BAIAP2L1: variants seen among roughly 807,000 people sequenced by gnomAD.
The protein encoded by BAIAP2L1 is BAR/IMD domain-containing adapter protein 2-like 1.
BAIAP2L1 carries 35 observed loss-of-function variants against 66.3 expected under a neutral mutation model. That is an observed-to-expected ratio of 0.53 (90% CI 0.40 to 0.70). The LOEUF (loss-of-function observed/expected upper bound fraction) is 0.70, where lower values mean the gene tolerates loss of function less well. Among genes scored for constraint, BAIAP2L1 ranks in the 30% least tolerant of loss-of-function variants. BAIAP2L1 has a pLI of 0.00. For missense variants in BAIAP2L1, 622 were observed against 656.9 expected (o/e 0.95, Z 0.58); for synonymous variants, 269 against 248.7 (o/e 1.08, Z -0.77).
intron 8 of BAIAP2L1, 71 bp from the exon 9 acceptor site, chr7:98,310,663 GT>G (rs1278404391): frequency 0.022 from 19,997 of 899,656 alleles, 2 homozygotes; most frequent in South Asian, 0.024. Flanking sequence ...TCCCAAGGCT[GT>G]TTTTTTTTTT....
chr7:98,336,863 C>T (rs1265128804), intron 3 of BAIAP2L1, among the ~76,000 whole-genome samples: 2 of 152,126 alleles, frequency 1.3e-5, no homozygotes, highest in East Asian at 3.9e-4. Context: ...ATTTCACTAT[C>T]CATGGAATCA....
intron 1 of BAIAP2L1, among the ~76,000 whole-genome samples, chr7:98,365,508 T>C (rs1235416081): frequency 1.3e-5 from 2 of 152,232 alleles, no homozygotes; most frequent in African/African-American, 2.4e-5. Context: ...TTTCACTCCG[T>C]TGCCCAGGAT....
chr7:98,347,501 C>T (rs543193887), intron 3 of BAIAP2L1, among the ~76,000 whole-genome samples: 39 of 152,104 alleles, frequency 2.6e-4, no homozygotes, highest in African/African-American at 8.0e-4. Context: ...AAAGGCCAGG[C>T]GCAGTGGCTC....
intron 1 of BAIAP2L1, among the ~76,000 whole-genome samples, chr7:98,394,883 A>G (rs1322824411): frequency 6.6e-6 from 1 of 152,182 alleles, no homozygotes; most frequent in African/African-American, 2.4e-5. Context: ...AAGCCGAGGC[A>G]GGCGGATCAC....
intron 11 of BAIAP2L1, among the ~76,000 whole-genome samples, chr7:98,305,213 A>G (rs1441642075): frequency 6.6e-6 from 1 of 151,536 alleles, no homozygotes; most frequent in Non-Finnish European, 1.5e-5. Flanking sequence ...AAAAGACATG[A>G]CAAAAGGAGA....
chr7:98,320,225 C>G lies in BAIAP2L1; in HGVS notation c.276+12G>C, dbSNP rs1275661713. 6.2e-7 allele frequency: 1 copy of G among 1,603,214 alleles called. No individual in the cohort carries two copies. Among genetic ancestry groups the G allele is most frequent in the African/African-American group, 1.3e-5 (1 of 74,658 alleles). On this transcript the variant is annotated intron_variant, in intron 4 of 13. Transcript: ENST00000005260. ...TGAGTGTATTTTGTAAATAGAAACA[C>G]AGATCACGTACATTTTCATCAAGAC...
chr7:98,315,225 G>A (rs1801029664), intron 7 of BAIAP2L1, among the ~76,000 whole-genome samples: 1 of 152,088 alleles, frequency 6.6e-6, no homozygotes, highest in Non-Finnish European at 1.5e-5. Flanking sequence ...AGGCTGAAGG[G>A]ATCCTCCCAC....
chr7:98,329,761 C>T (rs1470877810), intron 3 of BAIAP2L1, among the ~76,000 whole-genome samples: 1 of 152,038 alleles, frequency 6.6e-6, no homozygotes, highest in Non-Finnish European at 1.5e-5. Context: ...CCCAGGAACT[C>T]TGGCCTATCA....
At chr7:98,297,812 C>T (rs540910444) in intron 12 of BAIAP2L1, among the ~76,000 whole-genome samples, 3 of 152,320 alleles carry the variant, frequency 2.0e-5, no homozygotes, top group Non-Finnish European at 2.9e-5. Flanking sequence ...GAGGGGCTCA[C>T]GCCACGTGAG....
At chr7:98,396,649 G>A (rs1266950985) in intron 1 of BAIAP2L1, among the ~76,000 whole-genome samples, 1 of 152,072 alleles carries the variant, frequency 6.6e-6, no homozygotes, top group African/African-American at 2.4e-5. Context: ...GCAAAAATTT[G>A]CCAGGCGTGG....
chr7:98,293,189 G>C lies in BAIAP2L1; in HGVS notation c.*332C>G, dbSNP rs1270274498. The stretch of plus-strand genomic sequence containing the variant: ...GCAGAAAGCCAGTCCTGAAAGCATA[G>C]ACTATCCCTTATTCTGGCTGTTATT... On this transcript the variant is annotated 3_prime_UTR_variant, in exon 14 of 14. Transcript: ENST00000005260. The C allele has an allele frequency of 3.4e-6, 1 of 292,876 alleles. No individual in the cohort carries two copies. Among genetic ancestry groups the C allele is most frequent in the Non-Finnish European group, 6.2e-6 (1 of 161,766 alleles). 18.1% of individuals were successfully genotyped at this position (292,876 alleles called of 1,614,324 possible).
intron 6 of BAIAP2L1, among the ~76,000 whole-genome samples, chr7:98,316,990 G>C (rs1438090097): frequency 6.7e-6 from 1 of 149,424 alleles, no homozygotes; most frequent in Non-Finnish European, 1.5e-5. Context: ...CAGCCTCCGA[G>C]TAGCTGTGAC....
intron 3 of BAIAP2L1, among the ~76,000 whole-genome samples, chr7:98,345,263 A>G (rs1330836950): frequency 6.6e-6 from 1 of 152,266 alleles, no homozygotes; most frequent in Non-Finnish European, 1.5e-5. Context: ...GAGATACAAT[A>G]AAAACACCTA....
intron 3 of BAIAP2L1, among the ~76,000 whole-genome samples, chr7:98,333,853 G>A (rs1801554741): frequency 6.6e-6 from 1 of 151,398 alleles, no homozygotes; most frequent in African/African-American, 2.4e-5. Flanking sequence ...CCACGATGGT[G>A]CCAAGGCTCA....
intron 1 of BAIAP2L1, among the ~76,000 whole-genome samples, chr7:98,386,802 T>C (rs1624563): frequency 2.1e-5 from 3 of 144,998 alleles, no homozygotes; most frequent in Non-Finnish European, 4.5e-5. Context: ...AGGTTTCAAG[T>C]GATTCTCCTG....
intron 3 of BAIAP2L1, among the ~76,000 whole-genome samples, chr7:98,339,879 G>T (rs1290080635): frequency 2.6e-5 from 4 of 152,168 alleles, no homozygotes; most frequent in Admixed American, 2.0e-4. Flanking sequence ...GGTGATGATG[G>T]CAGAGGCACA....
rs60826557 is a variant in BAIAP2L1, at chr7:98,337,235, A to ATTT, written c.215-16940_215-16938dup. 1.2e-3 allele frequency among the ~76,000 whole-genome samples: 173 copies of ATTT among 138,828 alleles called. 1 individual carries two copies. Among genetic ancestry groups the ATTT allele is most frequent in the African/African-American group, 4.5e-3 (168 of 37,680 alleles). 91.1% of individuals were successfully genotyped at this position (138,828 alleles called of 152,430 possible). On this transcript the variant is annotated intron_variant, in intron 3 of 13. Transcript: ENST00000005260. ...GACCCAATTCTGGTTTTCAGATACC[A>ATTT]TTTTTTTTTTTTTTTTGAAAGAGTC...
intron 12 of BAIAP2L1, among the ~76,000 whole-genome samples, chr7:98,294,344 G>A (rs548702194): frequency 6.6e-6 from 1 of 152,270 alleles, no homozygotes; most frequent in East Asian, 1.9e-4. Context: ...TAAAACATAA[G>A]GGATGTTTAA....
chr7:98,400,772 A>AC, intron 1 of BAIAP2L1, 30 bp downstream of exon 1: 1 of 1,547,640 alleles, frequency 6.5e-7, no homozygotes, highest in African/African-American at 1.4e-5. Context: ...GAAAGCCCTG[A>AC]CCTCCCTGAG....
Sources: gnomAD v4.1 joint callset for allele counts (sites outside exome capture counted in the v4.1 genomes callset) on GRCh38, gnomAD v4.1.1 for gene constraint, MANE v1.5 for transcripts, NCBI Gene and HGNC (gene_info 2026-07-23, HGNC 2026-07-21) for gene names.